BRCA1: variants seen among roughly 807,000 people sequenced by gnomAD.
BRCA1 encodes BRCA1 DNA repair associated.
In BRCA1, 140 loss-of-function variants were observed where a neutral mutation model predicts 173.7. The ratio of observed to expected loss-of-function variants is 0.81; its 90% CI spans 0.70 to 0.93. The LOEUF (loss-of-function observed/expected upper bound fraction) is 0.93. Among genes scored for constraint, BRCA1 ranks in the 40% least tolerant of loss-of-function variants. The pLI, the probability that BRCA1 is intolerant of heterozygous loss-of-function variation, is 0.00. For synonymous variants in BRCA1, 662 were observed against 756.0 expected (o/e 0.88, Z 2.04); for missense variants, 1,983 against 2,172.5 (o/e 0.91, Z 1.73).
Position 43,088,282 on chromosome 17 carries a change from T to G in BRCA1, c.4185+2662A>C, listed in dbSNP as rs2053307409. 1.3e-5 allele frequency among the ~76,000 whole-genome samples: 2 copies of G among 152,110 alleles called. 1 individual carries two copies. Among genetic ancestry groups the G allele is most frequent in the South Asian group, 4.2e-4 (2 of 4,818 alleles). ...ACTTTTTCATCATCCCAAACTGAAATCTGCACTCATCAAACAGTAACTCCC... is the reference window on the plus strand; with the variant it reads ...ACTTTTTCATCATCCCAAACTGAAAGCTGCACTCATCAAACAGTAACTCCC... On this transcript the variant is annotated intron_variant, in intron 11 of 22. Coordinates refer to ENST00000357654, the MANE Select transcript of BRCA1 (RefSeq NM_007294.4).
intron 14 of BRCA1, among the ~76,000 whole-genome samples, chr17:43,071,893 G>A (rs531775512): frequency 5.8e-4 from 87 of 150,422 alleles, no homozygotes; most frequent in Middle Eastern, 3.4e-3. Flanking sequence ...CTGTAGTCCC[G>A]GCTACTAGGG....
rs80357144 is a variant in BRCA1, at chr17:43,093,115, C to T, written c.2416G>A (p.Ala806Thr). 8.1e-6 allele frequency: 13 copies of T among 1,613,572 alleles called. No homozygotes were observed. Among genetic ancestry groups the T allele is most frequent in the Non-Finnish European group, 1.1e-5 (13 of 1,179,910 alleles). ...AGTCCCTTGGGGTTTTCAAATGCTG[C>T]ACACTGACTCACACATTTATTTGGT... ...TEPNKCVSQC[A>T]AFENPKGLIH... The change falls in exon 10 of 23, where the codon GCA becomes ACA. Residue 806 changes from alanine (A) to threonine (T), a missense_variant. Physicochemically the swap from Ala to Thr is moderately conservative, Grantham distance 58. Coordinates refer to ENST00000357654, the MANE Select transcript of BRCA1 (RefSeq NM_007294.4).
At chr17:43,062,110 TAA>T (rs1269032701) in intron 18 of BRCA1, among the ~76,000 whole-genome samples, 2 of 151,812 alleles carry the variant, frequency 1.3e-5, no homozygotes, top group African/African-American at 4.8e-5. Flanking sequence ...TTTTTTTTTT[TAA>T]GAGACAGGGT....
intron 11 of BRCA1, among the ~76,000 whole-genome samples, chr17:43,084,323 C>T (rs1027208729): frequency 3.9e-5 from 6 of 152,116 alleles, no homozygotes; most frequent in East Asian, 3.9e-4. Flanking sequence ...AGCCACCACA[C>T]CTGGCCTAAT....
intron 1 of BRCA1, among the ~76,000 whole-genome samples, chr17:43,157,230 G>C (rs2056202998): frequency 6.6e-6 from 1 of 152,176 alleles, no homozygotes; most frequent in Non-Finnish European, 1.5e-5. Flanking sequence ...AAAACAGGCT[G>C]AAAAACTTAC....
chr17:43,115,920 A>T, intron 2 of BRCA1, 141 bp from the exon 3 acceptor site: 1 of 782,546 alleles, frequency 1.3e-6, no homozygotes, highest in South Asian at 1.8e-5. Context: ...TTCAATATTT[A>T]TTAAATGTCT....
rs80356910 is a variant in BRCA1, at chr17:43,093,828, G to C, written c.1703C>G (p.Pro568Arg). 5.0e-6 allele frequency: 8 copies of C among 1,613,200 alleles called. No homozygotes were observed. The highest frequency in any genetic ancestry group is 1.7e-5 in the Admixed American group (1 of 59,872). The change falls in exon 10 of 23, where the codon CCT becomes CGT. Residue 568 changes from proline to arginine, a missense_variant. By Grantham distance (103) the Pro-to-Arg change is moderately radical. Transcript: ENST00000357654. The part of the protein sequence containing the change: ...KGDSIQNEKN[P>R]NPIESLEKES... Reference sequence around the variant, plus strand: ...TTTTTCGAGTGATTCTATTGGGTTAGGATTTTTCTCATTCTGAATAGAATC... The same window carrying C: ...TTTTTCGAGTGATTCTATTGGGTTACGATTTTTCTCATTCTGAATAGAATC...
Position 43,093,664 on chromosome 17 carries a change from G to C in BRCA1, c.1867C>G (p.Leu623Val). The part of the protein sequence containing the change: ...RKSSTRHIHA[L>V]ELVVSRNLSP... The stretch of plus-strand genomic sequence containing the variant: ...AGATTTCTACTGACTACTAGTTCAA[G>C]CGCATGAATATGCCTGGTAGAAGAC... The change falls in exon 10 of 23, where the codon CTT becomes GTT. Residue 623 changes from leucine to valine, a missense_variant. Coordinates refer to ENST00000357654, the MANE Select transcript of BRCA1 (RefSeq NM_007294.4). 6.2e-7 allele frequency: 1 copy of C among 1,614,062 alleles called. No individual in the cohort carries two copies. Among genetic ancestry groups the C allele is most frequent in the Non-Finnish European group, 8.5e-7 (1 of 1,179,996 alleles).
rs80357455 is a variant in BRCA1 at position 43,091,912 on chromosome 17, T to C, written c.3619A>G (p.Lys1207Glu). 6.2e-7 allele frequency: 1 copy of C among 1,614,188 alleles called. No homozygotes were observed. Among genetic ancestry groups the C allele is most frequent in the Non-Finnish European group, 8.5e-7 (1 of 1,180,026 alleles). Reference protein sequence around the residue: ...HLAQGYRRGAKKLESSEENLS... With the variant: ...HLAQGYRRGAEKLESSEENLS... ...TTCTCTTCTGAGGACTCTAATTTCTTGGCCCCTCTTCGGTAACCCTGAGCC... is the reference window on the plus strand; with the variant it reads ...TTCTCTTCTGAGGACTCTAATTTCTCGGCCCCTCTTCGGTAACCCTGAGCC... The change falls in exon 10 of 23, where the codon AAG (lysine) becomes GAG (glutamate). Residue 1207 changes from lysine to glutamate, a missense_variant. Coordinates refer to ENST00000357654, the MANE Select transcript of BRCA1 (RefSeq NM_007294.4).
intron 2 of BRCA1, among the ~76,000 whole-genome samples, chr17:43,122,682 G>T (rs1857664345): frequency 6.6e-6 from 1 of 152,038 alleles, no homozygotes; most frequent in Admixed American, 6.6e-5. Context: ...CCAAGGGAGG[G>T]TAGATCACTT....
chr17:43,111,696 T>C (rs1349899857), intron 3 of BRCA1, among the ~76,000 whole-genome samples: 3 of 148,462 alleles, frequency 2.0e-5, no homozygotes, highest in Non-Finnish European at 3.0e-5. Flanking sequence ...GTGGCAGGCG[T>C]CTGTAGTCCC....
intron 1 of BRCA1, among the ~76,000 whole-genome samples, chr17:43,142,956 GTGTGTGTGTGTATATATA>G (rs1437879904): frequency 1.6e-5 from 2 of 128,886 alleles, no homozygotes; most frequent in Non-Finnish European, 3.4e-5. Flanking sequence ...ATATATGTGT[GTGTGTGTGTGTATATATA>G]TGTGTGTATA....
rs1157151499 is a variant in BRCA1, at chr17:43,067,699, A to C, written c.4987-4T>G. On this transcript the variant is annotated splice_polypyrimidine_tract_variant and splice_region_variant and intron_variant, in intron 15 of 22. Coordinates refer to ENST00000357654, the MANE Select transcript of BRCA1 (RefSeq NM_007294.4). ...TGGCAAACTTGTACACGAGCATCTG[A>C]AATTAAATCAAATATTCCATTATCA... The C allele has an allele frequency of 4.4e-6, 7 of 1,601,688 alleles. No individual in the cohort carries two copies. The highest frequency in any genetic ancestry group is 6.0e-6 in the Non-Finnish European group (7 of 1,168,902).
At chr17:43,047,063 T>C (rs1421888033) in intron 22 of BRCA1, among the ~76,000 whole-genome samples, 2 of 152,128 alleles carry the variant, frequency 1.3e-5, no homozygotes, top group Non-Finnish European at 2.9e-5. Context: ...AGTGGTGGAA[T>C]TACTGGGATT....
At position 43,072,954 on chromosome 17, in the gene BRCA1, C is replaced by CA. The variant is rs565847516; in HGVS notation, c.4675+1376dup. ...CTGGTCTTGAACTCTTGGCCTCGAGCAATTCTCCCACCTTGGCCTCCCAAA... is the reference window on the plus strand; with the variant it reads ...CTGGTCTTGAACTCTTGGCCTCGAGCAAATTCTCCCACCTTGGCCTCCCAAA... On this transcript the variant is annotated intron_variant, in intron 14 of 22. Coordinates refer to ENST00000357654, the MANE Select transcript of BRCA1 (RefSeq NM_007294.4). 6.6e-4 allele frequency among the ~76,000 whole-genome samples: 100 copies of CA among 151,698 alleles called. No homozygotes were observed. In the Middle Eastern group the frequency reaches 0.014, roughly 21 times the overall value.
chr17:43,169,030 T>A (rs2056292311), intron 1 of BRCA1, among the ~76,000 whole-genome samples: 1 of 152,160 alleles, frequency 6.6e-6, no homozygotes, highest in African/African-American at 2.4e-5. Flanking sequence ...GCTCCTCTAC[T>A]TCCCTCTTGC....
chr17:43,100,686 T>TAACATATATATATATATGTATA (rs1567807839), intron 6 of BRCA1, among the ~76,000 whole-genome samples: 7 of 17,420 alleles, frequency 4.0e-4, no homozygotes, highest in Non-Finnish European at 1.1e-3. Flanking sequence ...ATAATATATA[T>TAACATATATATATATATGTATA]ATATATATAT....
chr17:43,097,240 T>C lies in BRCA1; in HGVS notation c.593+4A>G, dbSNP rs80358154. Reference sequence around the variant, plus strand: ...TTCATAGACAAAGGTTCTCTTTGACTCACCTGCAATAAGTTGCCTTATTAA... The same window carrying C: ...TTCATAGACAAAGGTTCTCTTTGACCCACCTGCAATAAGTTGCCTTATTAA... On this transcript the variant is annotated splice_donor_region_variant and intron_variant, in intron 8 of 22. Coordinates refer to ENST00000357654, the MANE Select transcript of BRCA1 (RefSeq NM_007294.4). 1 of 1,613,478 alleles carries C rather than the reference T, an allele frequency of 6.2e-7. No homozygotes were observed. Among genetic ancestry groups the C allele is most frequent in the Non-Finnish European group, 8.5e-7 (1 of 1,179,562 alleles).
intron 1 of BRCA1, among the ~76,000 whole-genome samples, chr17:43,168,909 C>A (rs1418774821): frequency 6.6e-6 from 1 of 152,050 alleles, no homozygotes; most frequent in African/African-American, 2.4e-5. Context: ...CAACAACGAC[C>A]AAACCAACAC....
Sources: allele counts gnomAD v4.1 joint callset (sites outside exome capture counted in the v4.1 genomes callset), GRCh38; gene constraint gnomAD v4.1.1; transcripts MANE v1.5; gene names NCBI Gene and HGNC (gene_info 2026-07-23, HGNC 2026-07-21).